The following ALMS1 variants were observed in gnomAD, a reference collection of about 807,000 sequenced individuals.
ALMS1 encodes ALMS1 centrosome and basal body associated protein, also known as centrosome-associated protein ALMS1.
A neutral mutation model predicts 352.2 loss-of-function variants in ALMS1; 271 were observed. The ratio of observed to expected loss-of-function variants is 0.77; its 90% CI spans 0.70 to 0.85. The LOEUF is 0.85. Ranked by LOEUF, ALMS1 falls within the 40% of genes least tolerant of loss-of-function variation. The pLI, the probability that ALMS1 is intolerant of heterozygous loss-of-function variation, is 0.00. For synonymous variants in ALMS1, 1,865 were observed against 1,761.2 expected (o/e 1.06, Z -1.48); for missense variants, 5,445 against 4,870.7 (o/e 1.12, Z -3.51).
intron 20 of ALMS1, among the ~76,000 whole-genome samples, chr2:73,602,944 A>G (rs1436443975): frequency 6.6e-6 from 1 of 152,226 alleles, no homozygotes; most frequent in Admixed American, 6.5e-5. Context: ...TTGATAAAAT[A>G]ATGAAAGCTG....
intron 10 of ALMS1, among the ~76,000 whole-genome samples, chr2:73,501,939 T>C (rs1376058496): frequency 6.6e-6 from 1 of 152,064 alleles, no homozygotes; most frequent in Non-Finnish European, 1.5e-5. Flanking sequence ...ATCTTTAATG[T>C]CCCCCGGTGA....
intron 7 of ALMS1, among the ~76,000 whole-genome samples, chr2:73,432,908 T>A (rs896475832): frequency 6.6e-6 from 1 of 152,176 alleles, no homozygotes; most frequent in Non-Finnish European, 1.5e-5. Context: ...TATTCCTTTG[T>A]GTGACTTGAA....
chr2:73,420,123 A>G (rs1209164355), intron 3 of ALMS1, among the ~76,000 whole-genome samples: 1 of 152,202 alleles, frequency 6.6e-6, no homozygotes, highest in East Asian at 1.9e-4. Context: ...AGACTTTGCT[A>G]TGGTCAAATA....
Position 73,438,464 on chromosome 2 carries a change from T to A in ALMS1, c.1432+6173T>A, listed in dbSNP as rs148480434. On this transcript the variant is annotated intron_variant, in intron 7 of 22. Coordinates refer to ENST00000613296, the MANE Select transcript of ALMS1 (RefSeq NM_001378454.1). ...TTGGATCTGGATTATTGAAAAAGAATCGGTGACACCATTAGAAAGTAGGGT... is the reference window on the plus strand; with the variant it reads ...TTGGATCTGGATTATTGAAAAAGAAACGGTGACACCATTAGAAAGTAGGGT... 5.3e-5 allele frequency among the ~76,000 whole-genome samples: 8 copies of A among 152,302 alleles called. No homozygotes were observed. The East Asian group carries it at 1.5e-3, about 29-fold the overall frequency.
At chr2:73,468,364 T>C (rs971871027) in intron 9 of ALMS1, among the ~76,000 whole-genome samples, 1 of 152,068 alleles carries the variant, frequency 6.6e-6, no homozygotes, top group Non-Finnish European at 1.5e-5. Flanking sequence ...GATGTTTCTT[T>C]AAATTTTTTT....
In ALMS1 at chr2:73,576,444, C is replaced by A. The variant is rs562906955; in HGVS notation, c.11547+3020C>A. On this transcript the variant is annotated intron_variant, in intron 16 of 22. Coordinates refer to ENST00000613296, the MANE Select transcript of ALMS1 (RefSeq NM_001378454.1). Reference sequence around the variant, plus strand: ...TTTTACATACTGATCTTGTATCTTGCAGCTTTGCTGAATTTATTAACTCTT... The same window carrying A: ...TTTTACATACTGATCTTGTATCTTGAAGCTTTGCTGAATTTATTAACTCTT... Among the ~76,000 whole-genome samples the A allele has an allele frequency of 2.0e-5, 3 of 152,080 alleles. No individual in the cohort carries two copies. In the East Asian group the frequency reaches 5.8e-4, roughly 29 times the overall value.
chr2:73,412,671 C>T (rs951404351), intron 2 of ALMS1, among the ~76,000 whole-genome samples: 4 of 152,130 alleles, frequency 2.6e-5, no homozygotes, highest in Non-Finnish European at 4.4e-5. Flanking sequence ...TGGCACATGT[C>T]TGTAATCCCA....
intron 1 of ALMS1, among the ~76,000 whole-genome samples, chr2:73,401,322 A>T (rs560920349): frequency 2.1e-4 from 32 of 152,084 alleles, no homozygotes; most frequent in Non-Finnish European, 3.7e-4. Context: ...GGAAGCTTTG[A>T]TAATTGATTT....
intron 12 of ALMS1, among the ~76,000 whole-genome samples, chr2:73,541,169 T>A (rs964144073): frequency 1.3e-5 from 2 of 152,188 alleles, no homozygotes; most frequent in Admixed American, 6.5e-5. Context: ...TATAACAAAC[T>A]GTCTCTCAGA....
intron 11 of ALMS1, among the ~76,000 whole-genome samples, chr2:73,532,730 C>G (rs1407634086): frequency 1.3e-5 from 2 of 152,156 alleles, no homozygotes; most frequent in Admixed American, 6.5e-5. Context: ...CCCTCTGTGG[C>G]TGAGCTGGCA....
intron 9 of ALMS1, among the ~76,000 whole-genome samples, chr2:73,465,805 C>T (rs980995469): frequency 6.6e-6 from 1 of 151,640 alleles, no homozygotes; most frequent in Admixed American, 6.6e-5. Context: ...AAAAACAACC[C>T]CATCAAAAAG....
chr2:73,509,656 G>A (rs1428482182), intron 10 of ALMS1, among the ~76,000 whole-genome samples: 3 of 152,128 alleles, frequency 2.0e-5, no homozygotes, highest in Admixed American at 2.0e-4. Context: ...TTCCCTTTAT[G>A]GGTAACCTGA....
rs779584471 is a variant in ALMS1, at chr2:73,422,947, A to C, written c.737A>C (p.Gln246Pro). The C allele has an allele frequency of 1.9e-6, 3 of 1,613,152 alleles. No individual in the cohort carries two copies. The Admixed American group carries it at 5.0e-5, about 27-fold the overall frequency. The change falls in exon 4 of 23, where the codon CAA (glutamine) becomes CCA (proline). Residue 246 changes from glutamine (Q) to proline (P), a missense_variant. By Grantham distance (76) the Gln-to-Pro change is moderately conservative. Transcript: ENST00000613296. ...TTTGCGCCTGATTCTTTATTTCATCAAAGTGAACTAAGTTTTGCACCTCTG... is the reference window on the plus strand; with the variant it reads ...TTTGCGCCTGATTCTTTATTTCATCCAAGTGAACTAAGTTTTGCACCTCTG... ...QEFAPDSLFH[Q>P]SELSFAPLRG...
rs758563118 is a variant in ALMS1 at position 73,572,941 on chromosome 2, T to C, written c.11064T>C (p.Asn3688=). The C allele has an allele frequency of 8.1e-6, 13 of 1,614,038 alleles. 1 individual carries two copies. The South Asian group carries it at 1.4e-4, about 18-fold the overall frequency. Residue 3688 remains asparagine, a synonymous_variant, in exon 16 of 23, where the codon AAT becomes AAC. Transcript: ENST00000613296. ...RFKSLEKSHK[N]TGELKKSKVL... is the part of the protein sequence containing the mutation. ...AAAGCCTAGAGAAAAGCCATAAAAA[T>C]ACAGGCGAGCTTAAAAAAAGCAAGG...
chr2:73,538,420 G>A (rs183008700), intron 12 of ALMS1, among the ~76,000 whole-genome samples: 35 of 152,230 alleles, frequency 2.3e-4, no homozygotes, highest in African/African-American at 6.5e-4. Context: ...CAAGATGGCC[G>A]AATAGGAAGA....
chr2:73,603,592 G>A (rs1675748591), intron 21 of ALMS1: 1 of 378,170 alleles, frequency 2.6e-6, no homozygotes, highest in East Asian at 6.4e-5. Flanking sequence ...AGGTACGGTG[G>A]CTCATGCCTG....
At position 73,419,196 on chromosome 2, in the gene ALMS1, T is replaced by A; in HGVS notation, c.524T>A (p.Phe175Tyr). Residue 175 changes from phenylalanine to tyrosine, a missense_variant, in exon 3 of 23, where the codon TTT (phenylalanine) becomes TAT (tyrosine). Transcript: ENST00000613296. Reference sequence around the variant, plus strand: ...ACCTTGGATACATCCCAGACTAGGTTTAATGTGAGAACGGAAGATACTGAA... The same window carrying A: ...ACCTTGGATACATCCCAGACTAGGTATAATGTGAGAACGGAAGATACTGAA... The part of the protein sequence containing the change: ...SQTLDTSQTR[F>Y]NVRTEDTEVT... 1.9e-6 allele frequency: 3 copies of A among 1,614,026 alleles called. No homozygotes were observed. Among genetic ancestry groups the A allele is most frequent in the Non-Finnish European group, 2.5e-6 (3 of 1,179,912 alleles).
chr2:73,569,957 A>G (rs1175236216), intron 15 of ALMS1, among the ~76,000 whole-genome samples: 1 of 152,258 alleles, frequency 6.6e-6, no homozygotes, highest in Admixed American at 6.5e-5. Context: ...TAAAAAGACT[A>G]CTTTGACCAC....
Position 73,437,614 on chromosome 2 carries a change from A to G in ALMS1, c.1432+5323A>G, listed in dbSNP as rs1407013863. Among the ~76,000 whole-genome samples the G allele has an allele frequency of 2.0e-5, 3 of 152,136 alleles. No individual in the cohort carries two copies. The East Asian group carries it at 5.8e-4, about 29-fold the overall frequency. On this transcript the variant is annotated intron_variant, in intron 7 of 22. Transcript: ENST00000613296. ...ATCTACTGATGTACCCAGTTGTACC[A>G]TTTTAATTATTTGGTTAAAATGGTA...
Sources: allele counts gnomAD v4.1 joint callset (sites outside exome capture counted in the v4.1 genomes callset), GRCh38; gene constraint gnomAD v4.1.1; transcripts MANE v1.5; gene names NCBI Gene and HGNC (gene_info 2026-07-23, HGNC 2026-07-21).